Variants in KALRN observed in about 807,000 individuals in gnomAD.
KALRN encodes kalirin.
A neutral mutation model predicts 353.7 loss-of-function variants in KALRN; 70 were observed. That is an observed-to-expected ratio of 0.20 (90% CI 0.16 to 0.24). KALRN has a LOEUF of 0.24. KALRN is among the 10% of genes least tolerant of loss of function. The pLI, the probability that KALRN is intolerant of heterozygous loss-of-function variation, is 1.00. For synonymous variants in KALRN, 1,391 were observed against 1,434.8 expected, an observed-to-expected ratio of 0.97 and a Z score of 0.69; for missense variants, 2,791 against 3,756.7, an observed-to-expected ratio of 0.74 and a Z score of 6.72.
intron 12 of KALRN, chr3:124,395,641 A>T (rs1430549509): frequency 2.6e-6 from 1 of 380,184 alleles, no homozygotes; most frequent in East Asian, 5.2e-5. Context: ...AAAGTAAAAA[A>T]TAATTAAGAA....
At chr3:124,236,974 C>T (rs900143545) in intron 3 of KALRN, among the ~76,000 whole-genome samples, 4 of 152,180 alleles carry the variant, frequency 2.6e-5, no homozygotes, top group African/African-American at 9.7e-5. Context: ...TCCTGAGGGA[C>T]CTGCATTCAT....
intron 19 of KALRN, 45 bp downstream of exon 19, chr3:124,442,104 C>A: frequency 8.0e-7 from 1 of 1,245,620 alleles, no homozygotes; most frequent in Non-Finnish European, 1.1e-6. Flanking sequence ...CAGCGACAGC[C>A]CCTCCCTGAA....
At chr3:124,442,084 C>T in intron 19 of KALRN, 25 bp downstream of exon 19, 1 of 1,473,190 alleles carries the variant, frequency 6.8e-7, no homozygotes, top group Non-Finnish European at 9.3e-7. Context: ...TGCCCAGCCA[C>T]CAGTCACTTC....
intron 1 of KALRN, among the ~76,000 whole-genome samples, chr3:124,084,314 C>T (rs778772282): frequency 2.0e-5 from 3 of 152,214 alleles, no homozygotes; most frequent in Non-Finnish European, 4.4e-5. Flanking sequence ...GCAGCCCCTC[C>T]CTGTGACAGG....
At chr3:124,199,699 T>A (rs2075782786) in intron 1 of KALRN, among the ~76,000 whole-genome samples, 4 of 152,146 alleles carry the variant, frequency 2.6e-5, no homozygotes, top group Admixed American at 2.0e-4. Context: ...ATCTAAGTGC[T>A]CCATTGGAGG....
At position 124,662,193 on chromosome 3, in the gene KALRN, CTTTTTTTTTTTTTTTT is replaced by C. The variant is rs10549005; in HGVS notation, c.6345+276_6345+291del. On this transcript the variant is annotated intron_variant, in intron 45 of 59. Coordinates refer to ENST00000682506, the MANE Select transcript of KALRN (RefSeq NM_001388419.1). The stretch of plus-strand genomic sequence containing the variant: ...AAGGAGATTGGAAAGACCCAGAATT[CTTTTTTTTTTTTTTTT>C]TTTTTTTTTTGAGACAGGTTCTTGC... 2.1e-5 allele frequency among the ~76,000 whole-genome samples: 2 copies of C among 96,860 alleles called. 1 individual carries two copies. The highest frequency in any genetic ancestry group is 8.7e-5 in the African/African-American group (2 of 22,980). 63.5% of individuals were successfully genotyped at this position (96,860 alleles called of 152,430 possible).
At chr3:124,696,042 T>C in intron 53 of KALRN, 92 bp from the exon 54 acceptor site, 1 of 1,390,888 alleles carries the variant, frequency 7.2e-7, no homozygotes, top group Non-Finnish European at 1.0e-6. Context: ...GACTCTCAGC[T>C]CAGCACACCA....
chr3:124,067,116 G>A (rs931650699), intron 1 of KALRN, among the ~76,000 whole-genome samples: 2 of 152,192 alleles, frequency 1.3e-5, no homozygotes, highest in Non-Finnish European at 2.9e-5. Context: ...TAAGAAAACA[G>A]TTCCCAGGAG....
At chr3:124,320,924 A>G (rs1560556365) in intron 6 of KALRN, among the ~76,000 whole-genome samples, 2 of 152,250 alleles carry the variant, frequency 1.3e-5, no homozygotes, top group Non-Finnish European at 2.9e-5. Context: ...AGGGAATAGT[A>G]GGAAGCTTGT....
intron 5 of KALRN, among the ~76,000 whole-genome samples, chr3:124,279,908 G>A (rs1322135492): frequency 2.6e-5 from 4 of 152,316 alleles, no homozygotes; most frequent in Non-Finnish European, 4.4e-5. Context: ...GGAAGAGTGT[G>A]AGCAAAGGCA....
At chr3:124,618,656 T>C (rs1415229387) in intron 34 of KALRN, among the ~76,000 whole-genome samples, 1 of 152,296 alleles carries the variant, frequency 6.6e-6, no homozygotes, top group East Asian at 1.9e-4. Flanking sequence ...CATTGAGGGC[T>C]TGTTTGAAGG....
intron 5 of KALRN, 86 bp from the exon 6 acceptor site, chr3:124,298,705 T>A: frequency 2.7e-6 from 4 of 1,473,044 alleles, no homozygotes; most frequent in Non-Finnish European, 3.8e-6. Context: ...GCAGGAGAGC[T>A]TTTTCCCCTT....
In KALRN at chr3:124,395,197, G is replaced by A. The variant is rs1198902264; in HGVS notation, c.2025G>A (p.Val675=). 6.2e-7 allele frequency: 1 copy of A among 1,613,498 alleles called. No homozygotes were observed. Among genetic ancestry groups the A allele is most frequent in the Non-Finnish European group, 8.5e-7 (1 of 1,179,948 alleles). Residue 675 remains valine (V), a synonymous_variant, in exon 12 of 60, where the codon GTG becomes GTA. Transcript: ENST00000682506. ...EMLEDVCADS[V]DAVQELIKQF... is the part of the protein sequence containing the mutation. ...TGGAGGATGTCTGTGCAGATTCTGT[G>A]GATGCAGTCCAGGAACTGATCAAGC...
intron 15 of KALRN, among the ~76,000 whole-genome samples, chr3:124,424,550 T>C (rs1022859350): frequency 6.6e-6 from 1 of 152,160 alleles, no homozygotes; most frequent in Non-Finnish European, 1.5e-5. Context: ...CATGCCATGC[T>C]AAAGATCTGT....
intron 34 of KALRN, among the ~76,000 whole-genome samples, chr3:124,610,861 GA>G (rs2149550356): frequency 6.6e-6 from 1 of 151,706 alleles, no homozygotes; most frequent in East Asian, 1.9e-4. Flanking sequence ...AAAAAGAAAA[GA>G]AAAGAAGAAA....
chr3:124,551,999 CT>C (rs1306055282), intron 33 of KALRN, among the ~76,000 whole-genome samples: 1 of 152,190 alleles, frequency 6.6e-6, no homozygotes, highest in African/African-American at 2.4e-5. Flanking sequence ...CCTCAATTTC[CT>C]CATCTATAAA....
chr3:124,188,861 C>CG (rs2074555337), intron 1 of KALRN, among the ~76,000 whole-genome samples: 1 of 152,182 alleles, frequency 6.6e-6, no homozygotes, highest in Non-Finnish European at 1.5e-5. Flanking sequence ...TTCTTACCCC[C>CG]AAGTCCCACA....
intron 51 of KALRN, among the ~76,000 whole-genome samples, chr3:124,684,597 T>A (rs1160726543): frequency 6.6e-6 from 1 of 152,208 alleles, no homozygotes; most frequent in Non-Finnish European, 1.5e-5. Flanking sequence ...GCTCCAAGTG[T>A]ACAGGTGTTT....
intron 33 of KALRN, among the ~76,000 whole-genome samples, chr3:124,554,248 TG>T: frequency 6.6e-6 from 1 of 152,246 alleles, no homozygotes; most frequent in African/African-American, 2.4e-5. Context: ...TCCAGCTACT[TG>T]GGAGGCAGAG....
Sources: allele counts gnomAD v4.1 joint callset (sites outside exome capture counted in the v4.1 genomes callset), GRCh38; gene constraint gnomAD v4.1.1; transcripts MANE v1.5; gene names NCBI Gene and HGNC (gene_info 2026-07-23, HGNC 2026-07-21).